SCCPDH: variants seen among roughly 807,000 people sequenced by gnomAD.
SCCPDH encodes saccharopine dehydrogenase-like oxidoreductase.
In SCCPDH, 34 loss-of-function variants were observed where a neutral mutation model predicts 51.5. The ratio of observed to expected loss-of-function variants is 0.66; its 90% CI spans 0.50 to 0.88. The LOEUF (loss-of-function observed/expected upper bound fraction) is 0.88, where lower values mean the gene tolerates loss of function less well. Among genes scored for constraint, SCCPDH ranks in the 40% least tolerant of loss-of-function variants. The probability of loss-of-function intolerance (pLI) is 0.00; values close to 1 mark genes in which losing one functional copy is unlikely to be tolerated. For missense variants in SCCPDH, 464 were observed against 527.1 expected, an observed-to-expected ratio of 0.88 and a Z score of 1.17; for synonymous variants, 187 against 191.3, an observed-to-expected ratio of 0.98 and a Z score of 0.19.
intron 5 of SCCPDH, among the ~76,000 whole-genome samples, chr1:246,746,064 C>T (rs766193234): frequency 8.3e-5 from 12 of 143,912 alleles, no homozygotes; most frequent in Non-Finnish European, 1.5e-4. Flanking sequence ...GCCAAGATCG[C>T]ACCGCTGCAC....
At chr1:246,744,837 G>A (rs1251163149) in intron 5 of SCCPDH, among the ~76,000 whole-genome samples, 1 of 151,942 alleles carries the variant, frequency 6.6e-6, no homozygotes, top group Admixed American at 6.6e-5. Context: ...TGTTGGCCAG[G>A]CTGGTCTCGA....
chr1:246,729,873 T>A (rs1218805643), intron 2 of SCCPDH, among the ~76,000 whole-genome samples: 1 of 152,226 alleles, frequency 6.6e-6, no homozygotes, highest in African/African-American at 2.4e-5. Context: ...CCATGAAATC[T>A]TCACAGTTTA....
At chr1:246,749,704 C>T (rs756978190) in intron 5 of SCCPDH, among the ~76,000 whole-genome samples, 3 of 152,184 alleles carry the variant, frequency 2.0e-5, no homozygotes, top group Non-Finnish European at 2.9e-5. Context: ...GGACAAATTT[C>T]GGCAGAGAAG....
intron 9 of SCCPDH, among the ~76,000 whole-genome samples, chr1:246,760,782 G>A (rs1201190239): frequency 6.6e-6 from 1 of 152,170 alleles, no homozygotes; most frequent in African/African-American, 2.4e-5. Flanking sequence ...ACTCCTGGGG[G>A]AAATCCCACT....
chr1:246,763,076 G>A (rs1247917418), intron 9 of SCCPDH, among the ~76,000 whole-genome samples: 1 of 152,104 alleles, frequency 6.6e-6, no homozygotes, highest in East Asian at 1.9e-4. Flanking sequence ...TGATGCTAAT[G>A]TGCTGCCAGG....
intron 6 of SCCPDH, among the ~76,000 whole-genome samples, chr1:246,758,586 T>C (rs1048726013): frequency 6.6e-6 from 1 of 152,204 alleles, no homozygotes; most frequent in African/African-American, 2.4e-5. Flanking sequence ...ACATAATTAA[T>C]CCATTACCAT....
At chr1:246,728,553 C>T (rs557155179) in intron 2 of SCCPDH, among the ~76,000 whole-genome samples, 27 of 152,224 alleles carry the variant, frequency 1.8e-4, no homozygotes, top group Admixed American at 9.2e-4. Context: ...GTGCTTAGCA[C>T]CTCCGGCAGC....
At chr1:246,731,925 C>T (rs780595567) in intron 2 of SCCPDH, among the ~76,000 whole-genome samples, 2 of 150,972 alleles carry the variant, frequency 1.3e-5, no homozygotes, top group Non-Finnish European at 2.9e-5. Flanking sequence ...CAAGTGTTCT[C>T]ATTGTTCAGT....
intron 5 of SCCPDH, among the ~76,000 whole-genome samples, chr1:246,757,344 C>CAAAAAA (rs10649597): frequency 3.9e-5 from 3 of 77,430 alleles, no homozygotes; most frequent in African/African-American, 1.0e-4. Context: ...GACTCTGTCT[C>CAAAAAA]AAAAAAAAAA....
intron 1 of SCCPDH, among the ~76,000 whole-genome samples, chr1:246,725,480 T>G (rs1668382055): frequency 1.4e-5 from 2 of 145,920 alleles, no homozygotes. Flanking sequence ...TAAATTTGGC[T>G]ATTAACTCCC....
intron 5 of SCCPDH, among the ~76,000 whole-genome samples, chr1:246,757,786 G>A (rs1668954544): frequency 6.6e-6 from 1 of 152,126 alleles, no homozygotes; most frequent in African/African-American, 2.4e-5. Flanking sequence ...AGTACACAGT[G>A]TATGTATGCA....
chr1:246,725,397 G>C (rs1668380919), intron 1 of SCCPDH, among the ~76,000 whole-genome samples: 1 of 152,186 alleles, frequency 6.6e-6, no homozygotes, highest in Non-Finnish European at 1.5e-5. Flanking sequence ...GGATGGGACA[G>C]AGAGGAGACA....
chr1:246,754,499 C>T (rs1558172879), intron 5 of SCCPDH, among the ~76,000 whole-genome samples: 1 of 152,214 alleles, frequency 6.6e-6, no homozygotes, highest in Non-Finnish European at 1.5e-5. Flanking sequence ...TTCAACTAGG[C>T]TGTAGCAGGA....
intron 5 of SCCPDH, among the ~76,000 whole-genome samples, chr1:246,750,357 C>T (rs1668833039): frequency 6.6e-6 from 1 of 152,162 alleles, no homozygotes; most frequent in Non-Finnish European, 1.5e-5. Flanking sequence ...GGAATGTCAG[C>T]AGTGGAGTGC....
At chr1:246,758,186 A>G (rs374835183) in intron 5 of SCCPDH, 40 bp from the exon 6 acceptor site, 17 of 1,487,586 alleles carry the variant, frequency 1.1e-5, no homozygotes, top group Non-Finnish European at 1.4e-5. Flanking sequence ...TTTAGTAACT[A>G]CCCTTTCATG....
At chr1:246,733,329 C>G (rs920945847) in intron 2 of SCCPDH, among the ~76,000 whole-genome samples, 2 of 152,054 alleles carry the variant, frequency 1.3e-5, no homozygotes, top group Non-Finnish European at 2.9e-5. Flanking sequence ...TCAAGTGATT[C>G]ACTCACCTTG....
At chr1:246,734,449 G>T (rs994602561) in intron 2 of SCCPDH, among the ~76,000 whole-genome samples, 1 of 152,174 alleles carries the variant, frequency 6.6e-6, no homozygotes, top group Non-Finnish European at 1.5e-5. Flanking sequence ...GTGAACTTGG[G>T]TCTTACTGCC....
chr1:246,765,974 T>C, intron 10 of SCCPDH, 84 bp from the exon 11 acceptor site: 2 of 909,234 alleles, frequency 2.2e-6, no homozygotes, highest in Non-Finnish European at 3.5e-6. Flanking sequence ...GAGTAAGATA[T>C]AAAATCTACC....
chr1:246,734,003 ATGTC>A (rs778847852), intron 2 of SCCPDH, among the ~76,000 whole-genome samples: 5 of 152,256 alleles, frequency 3.3e-5, no homozygotes, highest in African/African-American at 9.6e-5. Context: ...TCCTGGGAGA[ATGTC>A]TGGGGCAGTG....
Sources: allele counts gnomAD v4.1 joint callset (sites outside exome capture counted in the v4.1 genomes callset), GRCh38; gene constraint gnomAD v4.1.1; transcripts MANE v1.5; gene names NCBI Gene and HGNC (gene_info 2026-07-23, HGNC 2026-07-21).